Variants in EPM2A observed in about 807,000 individuals in gnomAD.
EPM2A encodes the protein laforin.
Under a neutral mutation model 26.5 loss-of-function variants are expected in EPM2A, and 21 were observed. The ratio of observed to expected loss-of-function variants is 0.79; its 90% CI spans 0.56 to 1.14. EPM2A has a LOEUF of 1.14. EPM2A is among the 50% of genes most tolerant of loss of function. The pLI, the probability that EPM2A is intolerant of heterozygous loss-of-function variation, is 0.00. For synonymous variants in EPM2A, 217 were observed against 177.6 expected (o/e 1.22, Z -1.76); for missense variants, 458 against 440.8 (o/e 1.04, Z -0.35).
intron 2 of EPM2A, among the ~76,000 whole-genome samples, chr6:145,587,220 C>T (rs1781206948): frequency 6.6e-6 from 1 of 152,066 alleles, no homozygotes; most frequent in Non-Finnish European, 1.5e-5. Flanking sequence ...ATTGGAGATG[C>T]CTCATTTGAA....
chr6:145,719,203 C>G (rs1032406361), intron 1 of EPM2A, among the ~76,000 whole-genome samples: 1 of 150,222 alleles, frequency 6.7e-6, no homozygotes, highest in Non-Finnish European at 1.5e-5. Flanking sequence ...TTCACAATAG[C>G]AAAGACTTGG....
intron 2 of EPM2A, among the ~76,000 whole-genome samples, chr6:145,605,541 A>T (rs1389899008): frequency 6.6e-6 from 1 of 152,142 alleles, no homozygotes; most frequent in Admixed American, 6.5e-5. Context: ...AAAATGTAGG[A>T]GTATGATTGT....
At chr6:145,441,634 C>T (rs1055526050) in intron 4 of EPM2A, among the ~76,000 whole-genome samples, 2 of 152,126 alleles carry the variant, frequency 1.3e-5, no homozygotes, top group African/African-American at 4.8e-5. Context: ...GAGGCTGAGG[C>T]AGGTGGATCA....
At chr6:145,588,965 G>A (rs79630810) in intron 2 of EPM2A, among the ~76,000 whole-genome samples, 4,598 of 152,254 alleles carry the variant, frequency 0.03, 94 homozygotes, top group Non-Finnish European at 0.046. Flanking sequence ...TCCAGGCATG[G>A]CACAAGCAAG....
At chr6:145,404,888 C>T (rs1265651323) in intron 4 of EPM2A, among the ~76,000 whole-genome samples, 2 of 152,040 alleles carry the variant, frequency 1.3e-5, no homozygotes, top group African/African-American at 4.8e-5. Flanking sequence ...TATAAATAAC[C>T]TGGAAGTGTG....
intron 4 of EPM2A, among the ~76,000 whole-genome samples, chr6:145,442,443 G>T (rs1204655897): frequency 6.6e-6 from 1 of 152,184 alleles, no homozygotes; most frequent in Non-Finnish European, 1.5e-5. Flanking sequence ...TGCAAAGCAG[G>T]TCTCACATGG....
downstream of EPM2A, among the ~76,000 whole-genome samples, chr6:145,496,882 C>T (rs553523606): frequency 1.9e-3 from 295 of 152,066 alleles, 1 homozygote; most frequent in African/African-American, 6.0e-3. Flanking sequence ...GGACTACAGG[C>T]GCCCGCCACC....
At chr6:145,387,059 C>A (rs781303556) in intron 4 of EPM2A, among the ~76,000 whole-genome samples, 102 of 152,042 alleles carry the variant, frequency 6.7e-4, no homozygotes, top group Non-Finnish European at 1.2e-3. Context: ...TGGCCAAACC[C>A]AAGGGAAATA....
intron 4 of EPM2A, among the ~76,000 whole-genome samples, chr6:145,395,408 G>C (rs1778391737): frequency 6.6e-6 from 1 of 151,992 alleles, no homozygotes; most frequent in Admixed American, 6.6e-5. Context: ...CCCTATGGGG[G>C]TAACAATCAG....
chr6:145,599,655 T>G (rs1439562765), intron 2 of EPM2A, among the ~76,000 whole-genome samples: 1 of 152,016 alleles, frequency 6.6e-6, no homozygotes, highest in Non-Finnish European at 1.5e-5. Flanking sequence ...ATCTTCTATA[T>G]ATGAACATCC....
intron 2 of EPM2A, among the ~76,000 whole-genome samples, chr6:145,610,709 G>A (rs1002891105): frequency 3.3e-5 from 5 of 152,148 alleles, no homozygotes; most frequent in African/African-American, 9.6e-5. Flanking sequence ...AAATCCTTTT[G>A]GGAACACTGT....
Position 145,583,126 on chromosome 6 carries a change from C to A in EPM2A, c.340+52119G>T, listed in dbSNP as rs192455134. ...CACCTAAATCTCGATGATCTTTGTT[C>A]CTATTCATCTTCTGAATTCTATGTC... On this transcript the variant is annotated intron_variant, in intron 2 of 3. Coordinates refer to the EPM2A transcript ENST00000450221. 2.0e-3 allele frequency among the ~76,000 whole-genome samples: 310 copies of A among 152,206 alleles called. 1 individual carries two copies. The highest frequency in any genetic ancestry group is 7.2e-3 in the African/African-American group (301 of 41,542).
intron 2 of EPM2A, among the ~76,000 whole-genome samples, chr6:145,641,451 G>C (rs539820287): frequency 6.6e-6 from 1 of 152,310 alleles, no homozygotes; most frequent in African/African-American, 2.4e-5. Context: ...CTTGATCTCA[G>C]ACTTTCAGCC....
intron 4 of EPM2A, among the ~76,000 whole-genome samples, chr6:145,435,432 T>C (rs958715461): frequency 1.3e-5 from 2 of 149,310 alleles, no homozygotes; most frequent in Non-Finnish European, 3.0e-5. Flanking sequence ...TATATATATA[T>C]GTTTTATAGA....
intron 2 of EPM2A, among the ~76,000 whole-genome samples, chr6:145,676,021 T>C (rs1253540418): frequency 6.6e-6 from 1 of 152,158 alleles, no homozygotes; most frequent in Admixed American, 6.5e-5. Flanking sequence ...ACCACATAAT[T>C]GGAAGTAAAG....
At chr6:145,593,351 C>A (rs1488996394) in intron 2 of EPM2A, among the ~76,000 whole-genome samples, 1 of 152,042 alleles carries the variant, frequency 6.6e-6, no homozygotes, top group East Asian at 1.9e-4. Flanking sequence ...TTCAACACAC[C>A]TTTTCAGTAA....
chr6:145,428,444 T>A (rs1276831313), intron 4 of EPM2A, among the ~76,000 whole-genome samples: 1 of 152,198 alleles, frequency 6.6e-6, no homozygotes, highest in African/African-American at 2.4e-5. Flanking sequence ...CAACGAGCGG[T>A]TAATCTATTG....
At chr6:145,652,545 T>C (rs1409047708) in intron 2 of EPM2A, among the ~76,000 whole-genome samples, 2 of 152,074 alleles carry the variant, frequency 1.3e-5, no homozygotes, top group Admixed American at 6.6e-5. Flanking sequence ...TCAATTATTT[T>C]AGAAACTAAT....
At chr6:145,498,775 C>T (rs1035868629), downstream of EPM2A, among the ~76,000 whole-genome samples, 6 of 152,162 alleles carry the variant, frequency 3.9e-5, no homozygotes, top group East Asian at 1.9e-4. Context: ...TGTTCCTCTC[C>T]GTGAGTGCCA....
Sources: gnomAD v4.1 joint callset for allele counts (sites outside exome capture counted in the v4.1 genomes callset) on GRCh38, gnomAD v4.1.1 for gene constraint, MANE v1.5 for transcripts, NCBI Gene and HGNC (gene_info 2026-07-23, HGNC 2026-07-21) for gene names.